Variants in UBR3 observed in about 807,000 individuals in gnomAD.
UBR3 encodes E3 ubiquitin-protein ligase UBR3.
UBR3 carries 85 observed loss-of-function variants against 243.2 expected under a neutral mutation model. The observed-to-expected ratio is 0.35, with a 90% confidence interval of 0.29 to 0.42. UBR3 has a LOEUF of 0.42. Among genes scored for constraint, UBR3 ranks in the 10% least tolerant of loss-of-function variants. UBR3 has a pLI of 1.00. For missense variants in UBR3, 1,686 were observed against 2,300.8 expected, an observed-to-expected ratio of 0.73 and a Z score of 5.47; for synonymous variants, 748 against 799.8, an observed-to-expected ratio of 0.94 and a Z score of 1.09.
intron 30 of UBR3, 75 bp from the exon 31 acceptor site, chr2:170,029,271 C>A: frequency 8.3e-7 from 1 of 1,199,810 alleles, no homozygotes; most frequent in Non-Finnish European, 1.2e-6. Flanking sequence ...TATGAAATAA[C>A]TAGAAATTTT....
At chr2:170,070,838 A>G (rs2091682045) in intron 35 of UBR3, among the ~76,000 whole-genome samples, 1 of 152,188 alleles carries the variant, frequency 6.6e-6, no homozygotes, top group South Asian at 2.1e-4. Context: ...CATTTATGGT[A>G]TGTGGCTTAT....
chr2:169,933,638 A>G (rs914385401), intron 19 of UBR3, among the ~76,000 whole-genome samples: 2 of 152,192 alleles, frequency 1.3e-5, no homozygotes, highest in African/African-American at 4.8e-5. Flanking sequence ...ATCATCTTTT[A>G]CTTGTGCTTT....
chr2:169,905,119 GA>G lies in UBR3; in HGVS notation c.1475del (p.Asn492IlefsTer6). Reference sequence around the variant, plus strand: ...TTGTGTGTGTCTTTTTTTAGATGAAGAAAATAGTTTACATGTGGTAGTGAAC... The same window carrying G: ...TTGTGTGTGTCTTTTTTTAGATGAAGAAATAGTTTACATGTGGTAGTGAAC... The part of the protein sequence containing the change: ...CLIKSELQDE[E>X]NSLHVVVNCG... On this transcript the variant is annotated frameshift_variant, in exon 9 of 39. Transcript: ENST00000272793. LOFTEE classifies it high-confidence loss of function. 1 of 1,454,066 alleles carries G rather than the reference GA, an allele frequency of 6.9e-7. No homozygotes were observed. The highest frequency in any genetic ancestry group is 9.1e-7 in the Non-Finnish European group (1 of 1,102,892). The allele number at this position is 1,454,066 out of a possible 1,614,324, so 90.1% of individuals were successfully genotyped here.
intron 18 of UBR3, 125 bp downstream of exon 18, chr2:169,928,993 G>C: frequency 1.2e-6 from 1 of 817,502 alleles, no homozygotes; most frequent in African/African-American, 1.7e-5. Flanking sequence ...TCTCCATTTT[G>C]TTATAAATGT....
chr2:169,895,230 A>T lies in UBR3; in HGVS notation c.1155A>T (p.Leu385=). 1 of 1,541,970 alleles carries T rather than the reference A, an allele frequency of 6.5e-7. No individual in the cohort carries two copies. The highest frequency in any genetic ancestry group is 8.7e-7 in the Non-Finnish European group (1 of 1,144,544). The change falls in exon 7 of 39, where the codon CTA becomes CTT. Residue 385 remains leucine, a synonymous_variant. Coordinates refer to ENST00000272793, the MANE Select transcript of UBR3 (RefSeq NM_172070.4). The part of the protein sequence containing the change: ...VLKHKSFLEE[L]LFWTIKYEFP... ...AGCATAAAAGCTTCCTAGAAGAACT[A>T]TTATTTTGGACTATAAAATATGAAT...
intron 35 of UBR3, among the ~76,000 whole-genome samples, chr2:170,066,373 T>C (rs947949534): frequency 4.6e-5 from 7 of 152,222 alleles, no homozygotes; most frequent in Admixed American, 1.3e-4. Context: ...TCATTTATTC[T>C]CTAACTCCAG....
chr2:169,923,843 T>G, intron 11 of UBR3, 86 bp from the exon 12 acceptor site: 1 of 1,102,956 alleles, frequency 9.1e-7, no homozygotes, highest in Non-Finnish European at 1.3e-6. Flanking sequence ...TAAATCCAGG[T>G]GAGAGTATGG....
intron 7 of UBR3, among the ~76,000 whole-genome samples, chr2:169,896,298 AT>A (rs577768639): frequency 0.058 from 8,609 of 149,016 alleles, 286 homozygotes; most frequent in Non-Finnish European, 0.085. Flanking sequence ...GGGGAAAAAA[AT>A]TTTTTTTTTT....
intron 24 of UBR3, among the ~76,000 whole-genome samples, chr2:169,959,254 A>G (rs2087454020): frequency 6.6e-6 from 1 of 152,168 alleles, no homozygotes; most frequent in Non-Finnish European, 1.5e-5. Flanking sequence ...GAAGAAATGT[A>G]TAGCGATCAG....
At chr2:169,931,185 A>C (rs887502702) in intron 18 of UBR3, among the ~76,000 whole-genome samples, 2 of 151,930 alleles carry the variant, frequency 1.3e-5, no homozygotes, top group African/African-American at 4.8e-5. Flanking sequence ...CCCTGTCTCT[A>C]CTAAAAATAC....
rs192791928 is a variant in UBR3, at chr2:169,877,054, A to G, written c.845-440A>G. Among the ~76,000 whole-genome samples, 39 of 152,332 alleles carry G rather than the reference A, an allele frequency of 2.6e-4. 1 individual carries two copies. Among genetic ancestry groups the G allele is most frequent in the Admixed American group, 1.4e-3 (21 of 15,302 alleles). The stretch of plus-strand genomic sequence containing the variant: ...GTGTATTGTTATACAAAACATTCAT[A>G]CGCCTTTCCCAAGCACTCTGCTTTC... On this transcript the variant is annotated intron_variant, in intron 3 of 38. Coordinates refer to ENST00000272793, the MANE Select transcript of UBR3 (RefSeq NM_172070.4).
intron 1 of UBR3, among the ~76,000 whole-genome samples, chr2:169,851,757 G>A (rs1177562669): frequency 1.3e-5 from 2 of 149,786 alleles, no homozygotes; most frequent in African/African-American, 2.5e-5. Flanking sequence ...AGAATCACTT[G>A]AACCAGGGAG....
chr2:169,983,176 G>C (rs922298), intron 24 of UBR3, among the ~76,000 whole-genome samples: 4 of 148,486 alleles, frequency 2.7e-5, no homozygotes, highest in African/African-American at 1.0e-4. Context: ...AGTGAGAGCA[G>C]GAGAGAGAAA....
chr2:169,958,443 A>G lies in UBR3; in HGVS notation c.3551A>G (p.Gln1184Arg). The G allele has an allele frequency of 6.2e-7, 1 of 1,612,844 alleles. No homozygotes were observed. Among genetic ancestry groups the G allele is most frequent in the East Asian group, 2.2e-5 (1 of 44,776 alleles). The stretch of plus-strand genomic sequence containing the variant: ...TTTATTTCTGTTTAATCTAGGCGAC[A>G]GAAGGCTAGAGAGAGGCAGCAGAAA... ...KKTLDKEERRQKARERQQKLL... is the reference protein window; with the variant it reads ...KKTLDKEERRRKARERQQKLL... Residue 1184 changes from glutamine (Q) to arginine (R), a missense_variant, in exon 24 of 39, where the codon CAG (glutamine) becomes CGG (arginine). By Grantham distance (43) the Gln-to-Arg change is conservative. Coordinates refer to ENST00000272793, the MANE Select transcript of UBR3 (RefSeq NM_172070.4).
chr2:170,010,878 A>G (rs73019523), intron 29 of UBR3, among the ~76,000 whole-genome samples: 14,479 of 150,838 alleles, frequency 0.096, 830 homozygotes, highest in African/African-American at 0.16. Context: ...TACAAAGAAA[A>G]CAAAGGCTGG....
chr2:169,936,029 A>G (rs937956544), intron 19 of UBR3, among the ~76,000 whole-genome samples: 2 of 152,114 alleles, frequency 1.3e-5, no homozygotes, highest in Non-Finnish European at 2.9e-5. Flanking sequence ...TCACTGTAGT[A>G]TTATATACAA....
At chr2:170,060,009 G>GA in intron 33 of UBR3, among the ~76,000 whole-genome samples, 1 of 152,216 alleles carries the variant, frequency 6.6e-6, no homozygotes, top group African/African-American at 2.4e-5. Context: ...TAACATGAAC[G>GA]AAACAATGAG....
intron 1 of UBR3, among the ~76,000 whole-genome samples, chr2:169,840,457 G>A (rs2082254491): frequency 6.6e-6 from 1 of 152,204 alleles, no homozygotes; most frequent in African/African-American, 2.4e-5. Flanking sequence ...TCTCTTGGGT[G>A]CAGTCCACAC....
chr2:169,874,345 T>C (rs2083530561), intron 2 of UBR3, among the ~76,000 whole-genome samples: 1 of 152,048 alleles, frequency 6.6e-6, no homozygotes, highest in Admixed American at 6.6e-5. Context: ...ATTTTTTGTA[T>C]TTTTAGTAGA....
Sources: allele counts gnomAD v4.1 joint callset (sites outside exome capture counted in the v4.1 genomes callset), GRCh38; gene constraint gnomAD v4.1.1; transcripts MANE v1.5; gene names NCBI Gene and HGNC (gene_info 2026-07-23, HGNC 2026-07-21).